KCNH7: variants seen among roughly 807,000 people sequenced by gnomAD.
KCNH7 encodes the protein voltage-gated inwardly rectifying potassium channel KCNH7.
Under a neutral mutation model 120.8 loss-of-function variants are expected in KCNH7, and 49 were observed. The ratio of observed to expected loss-of-function variants is 0.41; its 90% CI spans 0.32 to 0.51. KCNH7 has a LOEUF of 0.51. Ranked by LOEUF, KCNH7 falls within the 20% of genes least tolerant of loss-of-function variation. KCNH7 has a pLI of 0.38. For synonymous variants in KCNH7, 547 were observed against 516.1 expected, an observed-to-expected ratio of 1.06 and a Z score of -0.81; for missense variants, 1,097 against 1,446.6, an observed-to-expected ratio of 0.76 and a Z score of 3.92.
At chr2:162,487,144 T>A (rs1440762242) in intron 6 of KCNH7, among the ~76,000 whole-genome samples, 2 of 152,290 alleles carry the variant, frequency 1.3e-5, no homozygotes, top group Non-Finnish European at 2.9e-5. Context: ...TCCAGTATGA[T>A]CGTGTTAATA....
In KCNH7 at chr2:162,606,165, A is replaced by T. The variant is rs376662489; in HGVS notation, c.308-69085T>A. Among the ~76,000 whole-genome samples, 6 of 152,238 alleles carry T rather than the reference A, an allele frequency of 3.9e-5. No individual in the cohort carries two copies. The South Asian group carries it at 6.2e-4, about 16-fold the overall frequency. On this transcript the variant is annotated intron_variant, in intron 2 of 15. Transcript: ENST00000332142. Reference sequence around the variant, plus strand: ...TTGTGTATAAATAAATCTCCCCTTAAATTCTATTGTTAAGAATTCATTTCT... The same window carrying T: ...TTGTGTATAAATAAATCTCCCCTTATATTCTATTGTTAAGAATTCATTTCT...
intron 6 of KCNH7, among the ~76,000 whole-genome samples, chr2:162,492,006 A>T (rs1166504525): frequency 6.6e-6 from 1 of 152,196 alleles, no homozygotes; most frequent in Non-Finnish European, 1.5e-5. Flanking sequence ...CCCAAACTTT[A>T]AACTGCTTAG....
intron 2 of KCNH7, among the ~76,000 whole-genome samples, chr2:162,733,652 G>A (rs577529192): frequency 6.6e-6 from 1 of 152,302 alleles, no homozygotes; most frequent in South Asian, 2.1e-4. Context: ...TTCCATCACA[G>A]CAGAACTTAG....
chr2:162,627,117 T>C (rs1332646065), intron 2 of KCNH7, among the ~76,000 whole-genome samples: 1 of 152,182 alleles, frequency 6.6e-6, no homozygotes, highest in African/African-American at 2.4e-5. Flanking sequence ...AAGTGTATCC[T>C]CTCACATTTT....
chr2:162,572,928 G>A (rs1408119384), intron 2 of KCNH7, among the ~76,000 whole-genome samples: 4 of 152,032 alleles, frequency 2.6e-5, no homozygotes, highest in African/African-American at 9.7e-5. Flanking sequence ...GGATAGCATT[G>A]GGAGATATAC....
In KCNH7 at chr2:162,518,067, G is replaced by A. The variant is rs113748016; in HGVS notation, c.555C>T (p.Ile185=). Residue 185 remains isoleucine (I), a synonymous_variant, in exon 4 of 16, where the codon ATC becomes ATT. Transcript: ENST00000332142. ...LPQEDPDVVV[I]DSSKHSDDSV... ...AATCATCACTGTGTTTAGATGAATC[G>A]ATGACCACCACATCGGGGTCTTCTT... is the stretch of plus-strand genomic sequence containing the variant. 0.051 allele frequency: 82,033 copies of A among 1,612,084 alleles called. 2,440 individuals carry two copies. The highest frequency in any genetic ancestry group is 0.059 in the Non-Finnish European group (69,145 of 1,178,640).
intron 2 of KCNH7, among the ~76,000 whole-genome samples, chr2:162,767,583 C>T (rs1453977556): frequency 6.6e-6 from 1 of 151,606 alleles, no homozygotes; most frequent in Non-Finnish European, 1.5e-5. Flanking sequence ...CCGTTTTTTC[C>T]CCCAGATTCT....
chr2:162,442,715 G>T (rs1688462790), intron 7 of KCNH7, among the ~76,000 whole-genome samples: 1 of 151,976 alleles, frequency 6.6e-6, no homozygotes, highest in African/African-American at 2.4e-5. Flanking sequence ...AAATTAGCCG[G>T]GTATGGTGGT....
intron 12 of KCNH7, among the ~76,000 whole-genome samples, chr2:162,390,926 C>T (rs1686726318): frequency 6.6e-6 from 1 of 151,948 alleles, no homozygotes; most frequent in Non-Finnish European, 1.5e-5. Flanking sequence ...AAAATTATAT[C>T]TTATTCAATG....
intron 2 of KCNH7, among the ~76,000 whole-genome samples, chr2:162,804,118 GT>G (rs1316795987): frequency 1.3e-5 from 2 of 151,680 alleles, no homozygotes; most frequent in African/African-American, 2.4e-5. Context: ...CTAATTCACT[GT>G]CTCAAGGAAC....
intron 2 of KCNH7, among the ~76,000 whole-genome samples, chr2:162,785,477 G>A (rs184811657): frequency 6.6e-6 from 1 of 152,128 alleles, no homozygotes; most frequent in Non-Finnish European, 1.5e-5. Context: ...TACATCGGAA[G>A]TTTTACAACA....
intron 2 of KCNH7, among the ~76,000 whole-genome samples, chr2:162,720,605 A>C (rs959078171): frequency 1.3e-5 from 2 of 152,148 alleles, no homozygotes; most frequent in Non-Finnish European, 2.9e-5. Context: ...ACTCTGTTGT[A>C]AGTTTCATAT....
At chr2:162,799,949 T>TACACACACACACACAC (rs3052920) in intron 2 of KCNH7, among the ~76,000 whole-genome samples, 1 of 146,316 alleles carries the variant, frequency 6.8e-6, no homozygotes, top group African/African-American at 2.5e-5. Flanking sequence ...TTTACACACA[T>TACACACACACACACAC]ACACACACAC....
intron 6 of KCNH7, among the ~76,000 whole-genome samples, chr2:162,482,016 CTCTT>C (rs149131790): frequency 0.51 from 76,482 of 151,178 alleles, 25,067 homozygotes; most frequent in Non-Finnish European, 0.75. Context: ...TTATCATCTT[CTCTT>C]TCTTCTTTTT....
intron 2 of KCNH7, among the ~76,000 whole-genome samples, chr2:162,579,270 C>T (rs1293074535): frequency 6.6e-6 from 1 of 152,000 alleles, no homozygotes; most frequent in African/African-American, 2.4e-5. Context: ...AAAGTGGTCC[C>T]TTGGCTCCCT....
At chr2:162,537,460 G>T (rs536118297) in intron 2 of KCNH7, among the ~76,000 whole-genome samples, 1 of 151,990 alleles carries the variant, frequency 6.6e-6, no homozygotes, top group South Asian at 2.1e-4. Context: ...AAATATAGCT[G>T]TATAAAAAAT....
intron 5 of KCNH7, among the ~76,000 whole-genome samples, chr2:162,512,019 C>T (rs1017723491): frequency 1.3e-5 from 2 of 151,654 alleles, no homozygotes; most frequent in Non-Finnish European, 2.9e-5. Flanking sequence ...AAATTTTCAG[C>T]CCAATCCAAA....
chr2:162,791,799 C>T (rs1683955863), intron 2 of KCNH7, among the ~76,000 whole-genome samples: 1 of 152,010 alleles, frequency 6.6e-6, no homozygotes, highest in South Asian at 2.1e-4. Flanking sequence ...TTGCCCTAGC[C>T]AGGACTTCCA....
In KCNH7 at chr2:162,371,523, T is replaced by C; in HGVS notation, c.*306A>G. 1 of 1,132,350 alleles carries C rather than the reference T, an allele frequency of 8.8e-7. No individual in the cohort carries two copies. Among genetic ancestry groups the C allele is most frequent in the Non-Finnish European group, 1.1e-6 (1 of 881,716 alleles). 70.1% of individuals were successfully genotyped at this position (1,132,350 alleles called of 1,614,324 possible). ...GTACTGGTTTAGTAAAAGCAGTAAATAGGAGTCTCCATGCAAGAGAAATTG... is the reference window on the plus strand; with the variant it reads ...GTACTGGTTTAGTAAAAGCAGTAAACAGGAGTCTCCATGCAAGAGAAATTG... On this transcript the variant is annotated 3_prime_UTR_variant, in exon 16 of 16. Coordinates refer to ENST00000332142, the MANE Select transcript of KCNH7 (RefSeq NM_033272.4).
Sources: gnomAD v4.1 joint callset for allele counts (sites outside exome capture counted in the v4.1 genomes callset) on GRCh38, gnomAD v4.1.1 for gene constraint, MANE v1.5 for transcripts, NCBI Gene and HGNC (gene_info 2026-07-23, HGNC 2026-07-21) for gene names.